The following PTPRT variants were observed in gnomAD, a reference collection of about 807,000 sequenced individuals.
PTPRT encodes receptor-type tyrosine-protein phosphatase T.
A neutral mutation model predicts 176.8 loss-of-function variants in PTPRT; 56 were observed. The ratio of observed to expected loss-of-function variants is 0.32; its 90% CI spans 0.26 to 0.40. The LOEUF is 0.40. PTPRT is among the 10% of genes least tolerant of loss of function. The pLI is 1.00. For synonymous variants in PTPRT, 783 were observed against 739.0 expected (o/e 1.06, Z -0.96); for missense variants, 1,540 against 1,908.2 (o/e 0.81, Z 3.60).
intron 7 of PTPRT, among the ~76,000 whole-genome samples, chr20:42,499,764 C>A (rs1453511825): frequency 6.6e-6 from 1 of 152,090 alleles, no homozygotes; most frequent in African/African-American, 2.4e-5. Flanking sequence ...ACAAGATGTC[C>A]AATATATGTA....
Position 42,084,769 on chromosome 20 carries a change from T to G in PTPRT, c.4049A>C (p.Lys1350Thr). 1 of 1,562,236 alleles carries G rather than the reference T, an allele frequency of 6.4e-7. No individual in the cohort carries two copies. Among genetic ancestry groups the G allele is most frequent in the South Asian group, 1.3e-5 (1 of 79,478 alleles). Residue 1350 changes from lysine to threonine, a missense_variant, in exon 29 of 31, where the codon AAG (lysine) becomes ACG (threonine). By Grantham distance (78) the Lys-to-Thr change is moderately conservative. This residue lies in a region of PTPRT where 342 missense variants were observed against 394.0 expected (regional missense o/e 0.87). Coordinates refer to ENST00000373187, the MANE Select transcript of PTPRT (RefSeq NM_007050.6). ...WPAYRDTPPS[K>T]RSLLKVVRRL... ...TCGGACCACTTTGAGCAGAGAGCGC[T>G]TGGAGGGGGGCGTGTCCCGGTAGGC...
intron 7 of PTPRT, among the ~76,000 whole-genome samples, chr20:42,508,331 A>G (rs971806591): frequency 1.1e-4 from 16 of 152,162 alleles, no homozygotes; most frequent in Non-Finnish European, 2.2e-4. Context: ...ATCTAAGAAC[A>G]GTTGGGGTTG....
intron 9 of PTPRT, among the ~76,000 whole-genome samples, chr20:42,440,894 G>T (rs2059310364): frequency 6.6e-6 from 1 of 152,198 alleles, no homozygotes; most frequent in African/African-American, 2.4e-5. Flanking sequence ...GGAGAGCTCA[G>T]TCTTCTGATC....
intron 2 of PTPRT, among the ~76,000 whole-genome samples, chr20:42,802,785 G>T (rs2077549690): frequency 6.6e-6 from 1 of 152,190 alleles, no homozygotes; most frequent in Non-Finnish European, 1.5e-5. Flanking sequence ...GGCATGGACT[G>T]TTGACTCAAA....
chr20:42,441,637 G>T (rs1289794136), intron 9 of PTPRT, among the ~76,000 whole-genome samples: 1 of 152,226 alleles, frequency 6.6e-6, no homozygotes. Flanking sequence ...AATGCTCCAA[G>T]CATCTGAGGG....
intron 1 of PTPRT, among the ~76,000 whole-genome samples, chr20:43,146,621 A>C (rs529343475): frequency 6.6e-6 from 1 of 152,200 alleles, no homozygotes; most frequent in Admixed American, 6.5e-5. Flanking sequence ...GTGTAGAAAC[A>C]AACATGATGT....
chr20:43,088,767 C>G (rs940468410), intron 1 of PTPRT, among the ~76,000 whole-genome samples: 1 of 152,114 alleles, frequency 6.6e-6, no homozygotes, highest in African/African-American at 2.4e-5. Context: ...ACTTTCAGAA[C>G]ATCCATCCTG....
At chr20:42,548,700 G>C (rs2072717129) in intron 7 of PTPRT, among the ~76,000 whole-genome samples, 1 of 152,140 alleles carries the variant, frequency 6.6e-6, no homozygotes, top group South Asian at 2.1e-4. Context: ...AAAGATACTT[G>C]TGATGTCTTA....
intron 11 of PTPRT, among the ~76,000 whole-genome samples, chr20:42,316,923 C>T (rs2057728735): frequency 6.6e-6 from 1 of 152,160 alleles, no homozygotes; most frequent in African/African-American, 2.4e-5. Flanking sequence ...TCTCCATCTG[C>T]TTTGTTTTCC....
Position 42,550,512 on chromosome 20 carries a change from C to G in PTPRT, c.1154-77950G>C, listed in dbSNP as rs539172590. 5.3e-5 allele frequency among the ~76,000 whole-genome samples: 8 copies of G among 152,104 alleles called. 1 individual carries two copies. In the South Asian group the frequency reaches 1.7e-3, roughly 32 times the overall value. On this transcript the variant is annotated intron_variant, in intron 7 of 30. Transcript: ENST00000373187. ...ATAGAATAGATATCCCACCTCAAAACACACAACCAGTGAATAGCAGACCTA... is the reference window on the plus strand; with the variant it reads ...ATAGAATAGATATCCCACCTCAAAAGACACAACCAGTGAATAGCAGACCTA...
At chr20:42,136,383 G>A (rs1474075638) in intron 18 of PTPRT, among the ~76,000 whole-genome samples, 1 of 152,070 alleles carries the variant, frequency 6.6e-6, no homozygotes, top group Non-Finnish European at 1.5e-5. Flanking sequence ...TAATTCTGCT[G>A]AGACTGCCTG....
intron 9 of PTPRT, among the ~76,000 whole-genome samples, chr20:42,401,116 A>T (rs961564509): frequency 6.9e-6 from 1 of 145,672 alleles, no homozygotes; most frequent in Non-Finnish European, 1.5e-5. Context: ...TGGAGTAACT[A>T]AAAAATGTCA....
At chr20:42,450,589 A>G (rs1157609699) in intron 8 of PTPRT, among the ~76,000 whole-genome samples, 1 of 152,066 alleles carries the variant, frequency 6.6e-6, no homozygotes, top group African/African-American at 2.4e-5. Context: ...CATTTTAAGG[A>G]CGTAAGCTTT....
intron 1 of PTPRT, among the ~76,000 whole-genome samples, chr20:43,129,260 C>G (rs2013560213): frequency 6.6e-6 from 1 of 152,118 alleles, no homozygotes; most frequent in South Asian, 2.1e-4. Context: ...AGGCAGAGTC[C>G]TGATCCCATA....
At chr20:43,083,351 T>TACACATATATATATATATATATATAC (rs1555828987) in intron 1 of PTPRT, among the ~76,000 whole-genome samples, 4 of 114,318 alleles carry the variant, frequency 3.5e-5, no homozygotes, top group Non-Finnish European at 7.3e-5. Context: ...TATATATATA[T>TACACATATATATATATATATATATAC]ATATATATAT....
At chr20:42,183,895 C>T (rs755202900) in intron 16 of PTPRT, among the ~76,000 whole-genome samples, 17 of 152,142 alleles carry the variant, frequency 1.1e-4, no homozygotes, top group Non-Finnish European at 2.2e-4. Context: ...GGGAAGACAG[C>T]TATCATGCAA....
At chr20:42,869,768 G>T (rs1220677118) in intron 2 of PTPRT, among the ~76,000 whole-genome samples, 1 of 152,218 alleles carries the variant, frequency 6.6e-6, no homozygotes, top group Non-Finnish European at 1.5e-5. Context: ...ATCTGGAGGA[G>T]AACGCTGTGG....
chr20:42,829,488 G>C (rs757928193), intron 2 of PTPRT, among the ~76,000 whole-genome samples: 2 of 152,172 alleles, frequency 1.3e-5, no homozygotes, highest in Non-Finnish European at 2.9e-5. Flanking sequence ...AGCACTTTGA[G>C]AGGCCAAGGT....
chr20:42,412,037 C>T (rs2059024164), intron 9 of PTPRT, among the ~76,000 whole-genome samples: 1 of 151,888 alleles, frequency 6.6e-6, no homozygotes, highest in African/African-American at 2.4e-5. Flanking sequence ...ACATAAAGTA[C>T]AAAACAAAGA....
Sources: allele counts gnomAD v4.1 joint callset (sites outside exome capture counted in the v4.1 genomes callset), GRCh38; gene constraint gnomAD v4.1.1; regional missense constraint gnomAD v4.1.1; transcripts MANE v1.5; gene names NCBI Gene and HGNC (gene_info 2026-07-23, HGNC 2026-07-21).